Variants in SP140 observed in about 807,000 individuals in gnomAD.
The protein encoded by SP140 is nuclear body protein SP140.
SP140 carries 81 observed loss-of-function variants against 125.0 expected under a neutral mutation model. That is an observed-to-expected ratio of 0.65 (90% CI 0.54 to 0.78). SP140 has a LOEUF of 0.78. Among genes scored for constraint, SP140 ranks in the 30% least tolerant of loss-of-function variants. The pLI is 0.00. For synonymous variants in SP140, 312 were observed against 354.0 expected (o/e 0.88, Z 1.33); for missense variants, 858 against 1,037.0 (o/e 0.83, Z 2.37).
chr2:230,229,086 G>C (rs1467209229), intron 1 of SP140, among the ~76,000 whole-genome samples: 2 of 151,912 alleles, frequency 1.3e-5, no homozygotes, highest in Admixed American at 6.6e-5. Flanking sequence ...CCTGAAGTTT[G>C]TAATATATAT....
the SP140 span, chr2:230,186,265 T>A: frequency 1.1e-6 from 1 of 946,882 alleles, no homozygotes; most frequent in Non-Finnish European, 1.6e-6. Flanking sequence ...TGTATCTTTC[T>A]TCCCCCCAGA....
chr2:230,222,656 C>T (rs1432058404), upstream of SP140, among the ~76,000 whole-genome samples: 1 of 151,384 alleles, frequency 6.6e-6, no homozygotes, highest in Non-Finnish European at 1.5e-5. Flanking sequence ...CCCAGGAGGT[C>T]CAGTCTCTGG....
intron 1 of SP140, among the ~76,000 whole-genome samples, chr2:230,236,288 C>T (rs763334112): frequency 1.3e-5 from 2 of 152,202 alleles, no homozygotes; most frequent in Non-Finnish European, 2.9e-5. Flanking sequence ...ATCTCCTTTA[C>T]ATCTCCTGAG....
chr2:230,288,224 G>A, intron 18 of SP140: 1 of 385,216 alleles, frequency 2.6e-6, no homozygotes, highest in South Asian at 4.1e-5. Context: ...TAAATTTCAA[G>A]GCTGGAGATA....
intron 22 of SP140, among the ~76,000 whole-genome samples, chr2:230,297,874 C>G (rs1412378465): frequency 6.6e-6 from 1 of 152,158 alleles, no homozygotes; most frequent in Non-Finnish European, 1.5e-5. Flanking sequence ...AAAATGCACT[C>G]CAAGGTGCAG....
chr2:230,254,007 G>T (rs1035721026), intron 11 of SP140, among the ~76,000 whole-genome samples: 1 of 152,006 alleles, frequency 6.6e-6, no homozygotes, highest in African/African-American at 2.4e-5. Context: ...AGAGGTTAAG[G>T]TAAAACCCAA....
intron 15 of SP140, among the ~76,000 whole-genome samples, chr2:230,271,795 C>T (rs1245091524): frequency 6.6e-6 from 1 of 152,158 alleles, no homozygotes; most frequent in African/African-American, 2.4e-5. Flanking sequence ...TGAGGAGATT[C>T]ACTGTCAGGG....
At chr2:230,270,507 C>G in intron 14 of SP140, 79 bp from the exon 15 acceptor site, 1 of 1,354,778 alleles carries the variant, frequency 7.4e-7, no homozygotes, top group East Asian at 2.3e-5. Context: ...CTCAAGCCTT[C>G]TGTAGTATAC....
At chr2:230,294,196 GA>G in intron 20 of SP140, 74 bp from the exon 21 acceptor site, 1 of 1,167,066 alleles carries the variant, frequency 8.6e-7, no homozygotes, top group Non-Finnish European at 1.3e-6. Context: ...AAATATTTGG[GA>G]GGAGGTTGGA....
At chr2:230,223,334 C>G (rs2148990284), upstream of SP140, among the ~76,000 whole-genome samples, 1 of 152,260 alleles carries the variant, frequency 6.6e-6, no homozygotes, top group South Asian at 2.1e-4. Flanking sequence ...CATGCCCAGC[C>G]CAGTCTGACA....
At chr2:230,219,977 A>G (rs1487420675) in intron 3 of SP140, 6 of 985,448 alleles carry the variant, frequency 6.1e-6, no homozygotes, top group Non-Finnish European at 7.2e-6. Flanking sequence ...GCAAAACAGG[A>G]AGTCTGTGCT....
chr2:230,244,868 AG>A, intron 5 of SP140, 119 bp from the exon 6 acceptor site: 2 of 642,444 alleles, frequency 3.1e-6, no homozygotes, highest in Admixed American at 2.9e-5. Context: ...GGCTCAGGCG[AG>A]GTCCTTGGAG....
the SP140 span, among the ~76,000 whole-genome samples, chr2:230,195,787 G>A: frequency 3.9e-5 from 6 of 151,996 alleles, 1 homozygote; most frequent in South Asian, 8.3e-4. Flanking sequence ...TACAGAAGGA[G>A]CAGGACTGAA....
Position 230,237,153 on chromosome 2 carries a change from A to G in SP140, c.130A>G (p.Arg44Gly), listed in dbSNP as rs765611805. 2 of 1,613,728 alleles carry G rather than the reference A, an allele frequency of 1.2e-6. No homozygotes were observed. Among genetic ancestry groups the G allele is most frequent in the Non-Finnish European group, 1.7e-6 (2 of 1,179,796 alleles). ...QEQVCPEPIFRFFRENKVEIA... is the reference protein window; with the variant it reads ...QEQVCPEPIFGFFRENKVEIA... ...GCAGGTTTGCCCTGAGCCCATTTTC[A>G]GGTTCTTCAGAGAAAACAAGGTGGA... The change falls in exon 2 of 27, where the codon AGG becomes GGG. Residue 44 changes from arginine to glycine, a missense_variant. Around this residue, in one of 4 missense-constraint regions of SP140, gnomAD observed 791 missense variants for 869.5 expected, o/e 0.91. Coordinates refer to ENST00000392045, the MANE Select transcript of SP140 (RefSeq NM_007237.5). The surrounding 1 kb of genome is among the most constrained non-coding windows in gnomAD (Gnocchi z 5.4).
intron 15 of SP140, among the ~76,000 whole-genome samples, chr2:230,277,145 A>G (rs2149392265): frequency 6.6e-6 from 1 of 152,302 alleles, no homozygotes. Flanking sequence ...ATGCTACTCA[A>G]TAGCATTGCA....
intron 3 of SP140, chr2:230,215,010 TG>T (rs1258924847): frequency 6.2e-7 from 1 of 1,613,840 alleles, no homozygotes; most frequent in East Asian, 2.2e-5. Flanking sequence ...TTAATTTGAC[TG>T]AACAATGTCA....
chr2:230,273,639 A>G (rs1401745359), intron 15 of SP140, among the ~76,000 whole-genome samples: 1 of 152,232 alleles, frequency 6.6e-6, no homozygotes, highest in East Asian at 1.9e-4. Context: ...ATAAAGACAT[A>G]TGCACATGTA....
At chr2:230,241,975 A>T (rs2048790857) in intron 4 of SP140, among the ~76,000 whole-genome samples, 2 of 152,162 alleles carry the variant, frequency 1.3e-5, no homozygotes, top group South Asian at 4.1e-4. Flanking sequence ...GAGTTTGGAT[A>T]TGGAGAGAGA....
chr2:230,255,527 G>A lies in SP140; in HGVS notation c.1235G>A (p.Gly412Glu), dbSNP rs200335927. The change falls in exon 12 of 27, where the codon GGG becomes GAG. Residue 412 changes from glycine (G) to glutamate (E), a missense_variant. By Grantham distance (98) the Gly-to-Glu change is moderately conservative. Around this residue, in one of 4 missense-constraint regions of SP140, gnomAD observed 791 missense variants for 869.5 expected, o/e 0.91. Transcript: ENST00000392045. ...GCCTCTAGCTCCCTAGCAAGACGTGGGTCAGGTAAGGACGGGGGGGGGGAT... is the reference window on the plus strand; with the variant it reads ...GCCTCTAGCTCCCTAGCAAGACGTGAGTCAGGTAAGGACGGGGGGGGGGAT... ...QEASSSLARR[G>E]SVSSELENHP... is the part of the protein sequence containing the mutation. 1.1e-4 allele frequency: 174 copies of A among 1,558,680 alleles called. No homozygotes were observed. Among genetic ancestry groups the A allele is most frequent in the Non-Finnish European group, 1.4e-4 (162 of 1,161,648 alleles).
Sources: allele counts gnomAD v4.1 joint callset (sites outside exome capture counted in the v4.1 genomes callset), GRCh38; gene constraint gnomAD v4.1.1; regional missense constraint gnomAD v4.1.1; non-coding constraint Gnocchi (gnomAD v3.1); transcripts MANE v1.5; gene names NCBI Gene and HGNC (gene_info 2026-07-23, HGNC 2026-07-21).